Variants in MEGF6 observed in about 807,000 individuals in gnomAD.
The protein encoded by MEGF6 is multiple epidermal growth factor-like domains protein 6.
In MEGF6, 184 loss-of-function variants were observed where a neutral mutation model predicts 207.1. That is an observed-to-expected ratio of 0.89 (90% confidence interval 0.79 to 1.00). MEGF6 has a LOEUF of 1.00. MEGF6 is among the 50% of genes least tolerant of loss of function. MEGF6 has a pLI of 0.00. For synonymous variants in MEGF6, 1,038 were observed against 910.0 expected (o/e 1.14, Z -2.53); for missense variants, 2,282 against 2,202.9 (o/e 1.04, Z -0.72).
chr1:3,596,573 G>A (rs1218053662), intron 2 of MEGF6, among the ~76,000 whole-genome samples: 15 of 82,770 alleles, frequency 1.8e-4, no homozygotes, highest in Middle Eastern at 6.5e-3. Flanking sequence ...AGGGCACCCC[G>A]CGCCATCCCC....
intron 3 of MEGF6, among the ~76,000 whole-genome samples, chr1:3,581,754 C>T (rs973541650): frequency 3.3e-5 from 5 of 152,154 alleles, no homozygotes; most frequent in African/African-American, 7.2e-5. Flanking sequence ...TGCTGAAGGA[C>T]GGAAGGCAGG....
intron 11 of MEGF6, 92 bp downstream of exon 11, chr1:3,509,778 G>A: frequency 7.0e-7 from 1 of 1,434,648 alleles, no homozygotes; most frequent in Non-Finnish European, 9.2e-7. Flanking sequence ...GGCAGGTGGG[G>A]GTGGGGTGGG....
intron 28 of MEGF6, 88 bp from the exon 29 acceptor site, chr1:3,496,871 C>G: frequency 6.6e-7 from 1 of 1,519,484 alleles, no homozygotes; most frequent in Non-Finnish European, 8.9e-7. Flanking sequence ...CATGAGACCC[C>G]CACACCCTCC....
intron 4 of MEGF6, among the ~76,000 whole-genome samples, chr1:3,535,163 C>T (rs1347126195): frequency 6.6e-6 from 1 of 152,156 alleles, no homozygotes; most frequent in East Asian, 1.9e-4. Flanking sequence ...GGAAGGAGAA[C>T]CAGGGCCAGG....
At chr1:3,518,309 C>T (rs1641619023) in intron 5 of MEGF6, among the ~76,000 whole-genome samples, 1 of 152,166 alleles carries the variant, frequency 6.6e-6, no homozygotes, top group Non-Finnish European at 1.5e-5. Flanking sequence ...TTTGCCAATT[C>T]TAGGAGACAT....
intron 4 of MEGF6, among the ~76,000 whole-genome samples, chr1:3,538,825 G>A (rs1642414985): frequency 6.6e-6 from 1 of 152,106 alleles, no homozygotes; most frequent in African/African-American, 2.4e-5. Context: ...GAGCCCTCGA[G>A]GGCTGACACA....
intron 1 of MEGF6, among the ~76,000 whole-genome samples, chr1:3,604,307 G>A (rs2821017): frequency 0.42 from 63,236 of 152,100 alleles, 13,626 homozygotes; most frequent in East Asian, 0.57. Flanking sequence ...CTGGAGTCCA[G>A]GCCCAGGTGA....
chr1:3,593,920 C>T (rs556594370), intron 3 of MEGF6, among the ~76,000 whole-genome samples: 16 of 152,312 alleles, frequency 1.1e-4, no homozygotes, highest in African/African-American at 3.8e-4. Flanking sequence ...ACTTCCTCTA[C>T]TGGAAAAACA....
intron 1 of MEGF6, among the ~76,000 whole-genome samples, chr1:3,605,779 G>A (rs1415032488): frequency 6.6e-6 from 1 of 152,236 alleles, no homozygotes; most frequent in South Asian, 2.1e-4. Flanking sequence ...TGGCTGCCAG[G>A]TGGGTTTAGT....
intron 5 of MEGF6, among the ~76,000 whole-genome samples, chr1:3,518,934 G>C (rs1014769571): frequency 6.6e-6 from 1 of 152,134 alleles, no homozygotes; most frequent in African/African-American, 2.4e-5. Context: ...CCTCCTTGTT[G>C]CACAGGGGCA....
At chr1:3,500,916 C>A in intron 20 of MEGF6, 50 bp downstream of exon 20, 1 of 1,609,840 alleles carries the variant, frequency 6.2e-7, no homozygotes. Flanking sequence ...TCTCCAGGGG[C>A]TAGGAAAGGA....
At chr1:3,622,147 G>A in the MEGF6 span, among the ~76,000 whole-genome samples, 3 of 152,142 alleles carry the variant, frequency 2.0e-5, no homozygotes, top group Admixed American at 6.5e-5. Flanking sequence ...AGGAGGGGCC[G>A]GGGTAGAATG....
At chr1:3,521,344 T>C (rs1401347073) in intron 5 of MEGF6, among the ~76,000 whole-genome samples, 1 of 152,032 alleles carries the variant, frequency 6.6e-6, no homozygotes. Flanking sequence ...GGGCCAGAAA[T>C]CCAGCCCTAT....
At chr1:3,529,771 AC>A (rs1642086915) in intron 4 of MEGF6, among the ~76,000 whole-genome samples, 1 of 152,254 alleles carries the variant, frequency 6.6e-6, no homozygotes, top group African/African-American at 2.4e-5. Context: ...AGGCAGGTGG[AC>A]AGGCATGGCT....
rs1434929938 is a variant in MEGF6, at chr1:3,611,369, G to A, written c.-101C>T. The stretch of plus-strand genomic sequence containing the variant: ...TGCGCCATAGGACGCAGCCACAGGT[G>A]CCCGCGCCCGCTCCGCGGAGCCCAA... On this transcript the variant is annotated 5_prime_UTR_variant, in exon 1 of 37. Transcript: ENST00000356575. The A allele has an allele frequency of 6.8e-6, 9 of 1,326,282 alleles. No homozygotes were observed. The highest frequency in any genetic ancestry group is 8.7e-6 in the Non-Finnish European group (9 of 1,038,436). The allele number at this position is 1,326,282 out of a possible 1,614,324, so 82.2% of individuals were successfully genotyped here. A position where few individuals can be genotyped will look rare whatever the true frequency, so the allele number is the denominator to read the frequency against.
the MEGF6 span, among the ~76,000 whole-genome samples, chr1:3,618,563 C>T: frequency 8.5e-5 from 13 of 152,326 alleles, no homozygotes; most frequent in South Asian, 2.5e-3. This position sits in a 1 kb window ranked among gnomAD's most constrained non-coding sequence, Gnocchi z 4.7. Context: ...TACTTCCCCG[C>T]AGCCTGCTCT....
Position 3,517,081 on chromosome 1 carries a change from G to A in MEGF6, c.605-1554C>T, listed in dbSNP as rs575358799. 1.8e-3 allele frequency among the ~76,000 whole-genome samples: 279 copies of A among 152,332 alleles called. 2 individuals are homozygous for A. The highest frequency in any genetic ancestry group is 0.017 in the Middle Eastern group (5 of 294). ...CCAGGGGCCTCTGAGCATGGCCTGC[G>A]CCGGCCCCGCCTTCCCAGGGGCCCT... On this transcript the variant is annotated intron_variant, in intron 5 of 36. Coordinates refer to ENST00000356575, the MANE Select transcript of MEGF6 (RefSeq NM_001409.4).
chr1:3,617,357 A>ACCGGCT, the MEGF6 span, among the ~76,000 whole-genome samples: 119,855 of 151,652 alleles, frequency 0.79, 47,499 homozygotes, highest in East Asian at 0.98. Flanking sequence ...CTCCCCTGCC[A>ACCGGCT]CCCGTGAATG....
chr1:3,523,074 C>CCG (rs762180190), intron 5 of MEGF6, among the ~76,000 whole-genome samples: 4 of 147,998 alleles, frequency 2.7e-5, no homozygotes, highest in African/African-American at 7.5e-5. Context: ...GAGTGTGTGC[C>CCG]GGGGGGGGGG....
Sources: allele counts gnomAD v4.1 joint callset (sites outside exome capture counted in the v4.1 genomes callset), GRCh38; gene constraint gnomAD v4.1.1; non-coding constraint Gnocchi (gnomAD v3.1); transcripts MANE v1.5; gene names NCBI Gene and HGNC (gene_info 2026-07-23, HGNC 2026-07-21).